The following ATXN1 variants were observed in gnomAD, a reference collection of about 807,000 sequenced individuals.
ATXN1 encodes ataxin-1.
ATXN1 carries 8 observed loss-of-function variants against 56.4 expected under a neutral mutation model. The ratio of observed to expected loss-of-function variants is 0.14; its 90% CI spans 0.08 to 0.26. The LOEUF is 0.26. Ranked by LOEUF, ATXN1 falls within the 10% of genes least tolerant of loss-of-function variation. ATXN1 has a pLI of 1.00. For synonymous variants in ATXN1, 514 were observed against 494.6 expected (o/e 1.04, Z -0.52); for missense variants, 987 against 1,106.5 (o/e 0.89, Z 1.53).
Position 16,465,446 on chromosome 6 carries a change from A to T in ATXN1, c.-161+20526T>A, listed in dbSNP as rs186892677. ...CACTCCAGCCTGGGTGACAAGAGTG[A>T]AATTCCATTTCCAAAAACAAAACAA... On this transcript the variant is annotated intron_variant, in intron 6 of 7. Coordinates refer to ENST00000436367, the MANE Select transcript of ATXN1 (RefSeq NM_001128164.2). Among the ~76,000 whole-genome samples the T allele has an allele frequency of 1.7e-4, 26 of 152,296 alleles. No individual in the cohort carries two copies. The East Asian group carries it at 3.1e-3, about 18-fold the overall frequency.
rs931215409 is a variant in ATXN1, at chr6:16,410,647, T to C, written c.-161+75325A>G. On this transcript the variant is annotated intron_variant, in intron 6 of 7. Transcript: ENST00000436367. The surrounding 1 kb of genome is among the most constrained non-coding windows in gnomAD (Gnocchi z 4.6). Reference sequence around the variant, plus strand: ...ATTTGTTTTACTAGAATCTTCTTTATGTTCTAAAGTCTTAATCATGCATTT... The same window carrying C: ...ATTTGTTTTACTAGAATCTTCTTTACGTTCTAAAGTCTTAATCATGCATTT... Among the ~76,000 whole-genome samples the C allele has an allele frequency of 6.6e-6, 1 of 152,268 alleles. No homozygotes were observed. Among genetic ancestry groups the C allele is most frequent in the African/African-American group, 2.4e-5 (1 of 41,472 alleles).
chr6:16,422,600 G>A (rs1225986819), intron 6 of ATXN1, among the ~76,000 whole-genome samples: 1 of 152,164 alleles, frequency 6.6e-6, no homozygotes, highest in African/African-American at 2.4e-5. Context: ...AGCTAGTTGA[G>A]GGGCAGCAGT....
chr6:16,519,994 G>A (rs766698244), intron 5 of ATXN1, among the ~76,000 whole-genome samples: 3 of 152,216 alleles, frequency 2.0e-5, no homozygotes, highest in East Asian at 3.8e-4. Context: ...TCCTGCCCAG[G>A]ATACACTGGC....
At chr6:16,720,599 T>C (rs138179168) in intron 2 of ATXN1, among the ~76,000 whole-genome samples, 1 of 152,356 alleles carries the variant, frequency 6.6e-6, no homozygotes, top group African/African-American at 2.4e-5. Context: ...CAAGAATGCT[T>C]ACTATTATTT....
At chr6:16,663,169 A>G (rs570542674) in intron 2 of ATXN1, among the ~76,000 whole-genome samples, 2 of 152,056 alleles carry the variant, frequency 1.3e-5, no homozygotes, top group South Asian at 4.2e-4. Flanking sequence ...GGGTTTCACC[A>G]TGTTGGTCAG....
chr6:16,400,541 G>A (rs998723676), intron 6 of ATXN1, among the ~76,000 whole-genome samples: 13 of 152,198 alleles, frequency 8.5e-5, no homozygotes, highest in African/African-American at 1.9e-4. Context: ...CAACCCAACT[G>A]TGGAATTCTC....
chr6:16,472,017 TCA>T (rs769357359), intron 6 of ATXN1, among the ~76,000 whole-genome samples: 4 of 152,264 alleles, frequency 2.6e-5, no homozygotes, highest in East Asian at 1.9e-4. Context: ...GTGGTTTTAA[TCA>T]CAGTGTTGAC....
chr6:16,524,006 G>A (rs1761343725), intron 4 of ATXN1, among the ~76,000 whole-genome samples: 1 of 152,220 alleles, frequency 6.6e-6, no homozygotes. Flanking sequence ...GATGTTCTGT[G>A]GGCAAGTTTC....
At chr6:16,358,002 C>A (rs1020609641) in intron 6 of ATXN1, among the ~76,000 whole-genome samples, 1 of 152,136 alleles carries the variant, frequency 6.6e-6, no homozygotes, top group Non-Finnish European at 1.5e-5. Flanking sequence ...GTGACAGAAG[C>A]AGCACCAGTA....
chr6:16,495,132 C>T (rs1189385342), intron 5 of ATXN1, among the ~76,000 whole-genome samples: 1 of 152,198 alleles, frequency 6.6e-6, no homozygotes, highest in Non-Finnish European at 1.5e-5. Context: ...AAATCATGAG[C>T]AGCTAAGGTC....
chr6:16,317,289 A>G (rs78375753), intron 7 of ATXN1, among the ~76,000 whole-genome samples: 3,376 of 151,908 alleles, frequency 0.022, 117 homozygotes, highest in African/African-American at 0.074. Flanking sequence ...CACCCTAAGC[A>G]GTAAGTAGAA....
chr6:16,434,704 C>G (rs1373061563), intron 6 of ATXN1, among the ~76,000 whole-genome samples: 2 of 152,148 alleles, frequency 1.3e-5, no homozygotes, highest in African/African-American at 4.8e-5. Context: ...AAATCAAATA[C>G]TGATGGAGAA....
chr6:16,751,001 C>G (rs1333945529), intron 2 of ATXN1, among the ~76,000 whole-genome samples: 16 of 144,568 alleles, frequency 1.1e-4, no homozygotes, highest in Non-Finnish European at 2.2e-4. Context: ...TGGAGTCTCA[C>G]TCTGTCGCCC....
intron 4 of ATXN1, among the ~76,000 whole-genome samples, chr6:16,583,438 G>A (rs769429618): frequency 1.3e-5 from 2 of 152,322 alleles, no homozygotes; most frequent in East Asian, 1.9e-4. Context: ...TGCATCTGTA[G>A]GATAAAGCAT....
At chr6:16,639,956 CAG>C in intron 3 of ATXN1, among the ~76,000 whole-genome samples, 2 of 152,166 alleles carry the variant, frequency 1.3e-5, no homozygotes, top group Non-Finnish European at 2.9e-5. Flanking sequence ...GGCAGATGGA[CAG>C]AACGTTATTT....
rs566781800 is a variant in ATXN1, at chr6:16,544,753, T to C, written c.-360-22065A>G. Reference sequence around the variant, plus strand: ...CCTTGCCTGCAGCTTGCATCTGAGATCCTAATAAGGGAGGATCACTGGAAA... The same window carrying C: ...CCTTGCCTGCAGCTTGCATCTGAGACCCTAATAAGGGAGGATCACTGGAAA... On this transcript the variant is annotated intron_variant, in intron 4 of 7. Coordinates refer to ENST00000436367, the MANE Select transcript of ATXN1 (RefSeq NM_001128164.2). 3.3e-5 allele frequency among the ~76,000 whole-genome samples: 5 copies of C among 152,254 alleles called. No individual in the cohort carries two copies. In the South Asian group the frequency reaches 1.0e-3, roughly 32 times the overall value.
chr6:16,381,167 A>G (rs1758101629), intron 6 of ATXN1, among the ~76,000 whole-genome samples: 1 of 152,156 alleles, frequency 6.6e-6, no homozygotes, highest in Non-Finnish European at 1.5e-5. Flanking sequence ...GGCGCCTATA[A>G]TTCCAGCTAC....
chr6:16,330,715 G>A (rs1037706006), intron 6 of ATXN1, among the ~76,000 whole-genome samples: 2 of 152,052 alleles, frequency 1.3e-5, no homozygotes, highest in Admixed American at 1.3e-4. Context: ...GCCCTTATTG[G>A]TTTTGCTCCA....
At chr6:16,313,566 T>C (rs1760447370) in intron 7 of ATXN1, among the ~76,000 whole-genome samples, 1 of 151,946 alleles carries the variant, frequency 6.6e-6, no homozygotes, top group South Asian at 2.1e-4. Context: ...GAATTTTTTT[T>C]TTTTTTTTGA....
Sources: gnomAD v4.1 joint callset for allele counts (sites outside exome capture counted in the v4.1 genomes callset) on GRCh38, gnomAD v4.1.1 for gene constraint, Gnocchi (gnomAD v3.1) non-coding constraint, MANE v1.5 for transcripts, NCBI Gene and HGNC (gene_info 2026-07-23, HGNC 2026-07-21) for gene names.